The following FN1 variants were observed in gnomAD, a reference collection of about 807,000 sequenced individuals.
The protein encoded by FN1 is fibronectin.
A neutral mutation model predicts 297.3 loss-of-function variants in FN1; 106 were observed. That is an observed-to-expected ratio of 0.36 (90% CI 0.30 to 0.42). The LOEUF is 0.42. Ranked by LOEUF, FN1 falls within the 10% of genes least tolerant of loss-of-function variation. The probability of loss-of-function intolerance (pLI) is 1.00; values close to 1 mark genes in which losing one functional copy is unlikely to be tolerated. For missense variants in FN1, 2,690 were observed against 3,124.9 expected (o/e 0.86, Z 3.32); for synonymous variants, 1,149 against 1,152.6 (o/e 1.00, Z 0.06).
In FN1 at chr2:215,414,761, C is replaced by T. The variant is rs755678486; in HGVS notation, c.1941+76G>A. 5.0e-6 allele frequency: 8 copies of T among 1,595,428 alleles called. No individual in the cohort carries two copies. In the East Asian group the frequency reaches 1.8e-4, roughly 36 times the overall value. Reference sequence around the variant, plus strand: ...TTAATCAGAGTTGTTGGCTCAAAAGCTGGGAAAAAAAGAAACCATCAGAAT... The same window carrying T: ...TTAATCAGAGTTGTTGGCTCAAAAGTTGGGAAAAAAAGAAACCATCAGAAT... On this transcript the variant is annotated intron_variant, in intron 13 of 45. Coordinates refer to ENST00000354785, the MANE Select transcript of FN1 (RefSeq NM_212482.4).
rs1255858788 is a variant in FN1, at chr2:215,404,756, G to A, written c.2987-101C>T. On this transcript the variant is annotated intron_variant, in intron 19 of 45. Coordinates refer to ENST00000354785, the MANE Select transcript of FN1 (RefSeq NM_212482.4). ...GAATGTCTAAGTTTTCTCTCCTCAAGGTTGTAACTATGTGAAAGTCAAAAC... is the reference window on the plus strand; with the variant it reads ...GAATGTCTAAGTTTTCTCTCCTCAAAGTTGTAACTATGTGAAAGTCAAAAC... 3 of 1,127,820 alleles carry A rather than the reference G, an allele frequency of 2.7e-6. No individual in the cohort carries two copies. In the Admixed American group the frequency reaches 5.2e-5, roughly 20 times the overall value. The allele number at this position is 1,127,820 out of a possible 1,614,324, so 69.9% of individuals were successfully genotyped here.
At chr2:215,367,784 A>G in intron 42 of FN1, 79 bp downstream of exon 42, 1 of 1,422,622 alleles carries the variant, frequency 7.0e-7, no homozygotes, top group Middle Eastern at 1.8e-4. Context: ...TCTTCCAAAC[A>G]TGCTTCCTTG....
intron 6 of FN1, among the ~76,000 whole-genome samples, chr2:215,425,775 CCTCAAACTCCTGTCTCAAACTCCTG>C (rs2065226230): frequency 7.2e-6 from 1 of 139,236 alleles, no homozygotes; most frequent in African/African-American, 3.4e-5. Flanking sequence ...AAACTCCTGA[CCTCAAACTCCTGTCTCAAACTCCTG>C]ACCTCAGGGG....
In FN1 at chr2:215,399,416, A is replaced by G. The variant is rs995569515; in HGVS notation, c.3254-65T>C. 4.4e-5 allele frequency: 47 copies of G among 1,076,322 alleles called. No homozygotes were observed. In the South Asian group the frequency reaches 4.7e-4, roughly 11 times the overall value. The allele number at this position is 1,076,322 out of a possible 1,614,324, so 66.7% of individuals were successfully genotyped here. A position where few individuals can be genotyped will look rare whatever the true frequency, so the allele number is the denominator to read the frequency against. ...TCACAGATGATTGCATAGCATATAG[A>G]TAACAAGTATTTTTATGGAGAACCT... On this transcript the variant is annotated intron_variant, in intron 20 of 45. Transcript: ENST00000354785.
chr2:215,365,531 C>A lies in FN1; in HGVS notation c.7118G>T (p.Gly2373Val). 1 of 1,614,136 alleles carries A rather than the reference C, an allele frequency of 6.2e-7. No individual in the cohort carries two copies. The highest frequency in any genetic ancestry group is 8.5e-7 in the Non-Finnish European group (1 of 1,179,986). Residue 2373 changes from glycine to valine, a missense_variant, in exon 43 of 46, where the codon GGA becomes GTA. Gly to Val is a moderately radical substitution (Grantham distance 109). Around this residue, in one of 3 missense-constraint regions of FN1, gnomAD observed 1,743 missense variants for 1,945.2 expected, o/e 0.90. Coordinates refer to ENST00000354785, the MANE Select transcript of FN1 (RefSeq NM_212482.4). ...QMMSCTCLGN[G>V]KGEFKCDPHE... ...AGGGTCACACTTGAATTCTCCTTTTCCGTTCCCAAGACATGTGCAGCTCAT... is the reference window on the plus strand; with the variant it reads ...AGGGTCACACTTGAATTCTCCTTTTACGTTCCCAAGACATGTGCAGCTCAT...
intron 26 of FN1, among the ~76,000 whole-genome samples, chr2:215,390,598 T>C (rs891352313): frequency 6.6e-6 from 1 of 152,234 alleles, no homozygotes; most frequent in Non-Finnish European, 1.5e-5. Flanking sequence ...ATGATTAGCA[T>C]GTGACAGGTC....
At chr2:215,395,291 T>A (rs2060182559) in intron 23 of FN1, among the ~76,000 whole-genome samples, 1 of 152,010 alleles carries the variant, frequency 6.6e-6, no homozygotes, top group Non-Finnish European at 1.5e-5. Flanking sequence ...GAAAGAGTAT[T>A]GATTGGGAGG....
At chr2:215,368,562 A>G (rs2055155013) in intron 41 of FN1, among the ~76,000 whole-genome samples, 1 of 152,266 alleles carries the variant, frequency 6.6e-6, no homozygotes, top group Non-Finnish European at 1.5e-5. Context: ...TAAATAAAGA[A>G]TAATTATTAA....
In FN1 at chr2:215,381,067, AG is replaced by A. The variant is rs1461334956; in HGVS notation, c.5177del (p.Pro1726LeufsTer30). 1.2e-6 allele frequency: 2 copies of A among 1,614,074 alleles called. No individual in the cohort carries two copies. Among genetic ancestry groups the A allele is most frequent in the Non-Finnish European group, 1.7e-6 (2 of 1,179,998 alleles). On this transcript the variant is annotated frameshift_variant, in exon 33 of 46. Transcript: ENST00000354785. LOFTEE classifies it high-confidence loss of function. ...VQTAVTNIDR[P>X]KGLAFTDVDV... ...CCACATCAGTGAATGCCAGTCCTTTAGGGCGATCAATGTCTGTTAGGCAAAT... is the reference window on the plus strand; with the variant it reads ...CCACATCAGTGAATGCCAGTCCTTTAGGCGATCAATGTCTGTTAGGCAAAT...
chr2:215,365,666 T>C (rs368703987), intron 42 of FN1, 36 bp from the exon 43 acceptor site: 13 of 1,611,250 alleles, frequency 8.1e-6, no homozygotes, highest in Non-Finnish European at 1.0e-5. Context: ...CAAAAAGTTA[T>C]TTGTATATTC....
At chr2:215,430,523 T>A (rs544439678) in intron 5 of FN1, among the ~76,000 whole-genome samples, 192 bp downstream of exon 5, 22 of 152,344 alleles carry the variant, frequency 1.4e-4, no homozygotes, top group Admixed American at 1.4e-3. Context: ...CAAAGTGATA[T>A]GTTTTTCTAT....
chr2:215,405,891 G>T (rs2061713285), intron 19 of FN1, among the ~76,000 whole-genome samples: 1 of 152,134 alleles, frequency 6.6e-6, no homozygotes, highest in African/African-American at 2.4e-5. Flanking sequence ...ATTGTTAAAT[G>T]AATTCTACTC....
chr2:215,403,157 T>C (rs2061354419), intron 20 of FN1, among the ~76,000 whole-genome samples: 2 of 152,176 alleles, frequency 1.3e-5, no homozygotes, highest in South Asian at 2.1e-4. Flanking sequence ...TCTTAGACTA[T>C]CTTAGAACCG....
chr2:215,406,356 G>A lies in FN1; in HGVS notation c.2868C>T (p.Ile956=), dbSNP rs1019241619. The A allele has an allele frequency of 6.2e-7, 1 of 1,614,090 alleles. No individual in the cohort carries two copies. The highest frequency in any genetic ancestry group is 8.5e-7 in the Non-Finnish European group (1 of 1,180,058). ...LPGEHGQRLP[I]SRNTFAEVTG... ...TGACTTCTGCAAAGGTGTTCCTGCT[G>A]ATGGGCAGCCTCTGCCCGTGCTCGC... Residue 956 remains isoleucine (I), a synonymous_variant, in exon 19 of 46, where the codon ATC becomes ATT. Coordinates refer to ENST00000354785, the MANE Select transcript of FN1 (RefSeq NM_212482.4).
At chr2:215,409,343 T>C (rs1263084252) in intron 15 of FN1, among the ~76,000 whole-genome samples, 1 of 152,070 alleles carries the variant, frequency 6.6e-6, no homozygotes, top group Admixed American at 6.5e-5. Flanking sequence ...GCAGCTGGCA[T>C]CAGGGACCAG....
intron 18 of FN1, 112 bp from the exon 19 acceptor site, chr2:215,406,622 T>G: frequency 2.7e-6 from 3 of 1,130,242 alleles, no homozygotes; most frequent in Non-Finnish European, 3.9e-6. Context: ...TCGAGAGTTT[T>G]GCTAAGTTTT....
chr2:215,401,340 A>AG (rs2061142359), intron 20 of FN1, among the ~76,000 whole-genome samples: 1 of 151,970 alleles, frequency 6.6e-6, no homozygotes, highest in South Asian at 2.1e-4. Flanking sequence ...AGAAAGGGAA[A>AG]GGAAAGGAAA....
In FN1 at chr2:215,434,644, T is replaced by C. The variant is rs2067141179; in HGVS notation, c.277+52A>G. ...TACTTACTAATGCAAAGTTTAACAA[T>C]TACCACTTCATGTATTAAAAGATAC... On this transcript the variant is annotated intron_variant, in intron 2 of 45. Transcript: ENST00000354785. 5 of 1,606,378 alleles carry C rather than the reference T, an allele frequency of 3.1e-6. No individual in the cohort carries two copies. The South Asian group carries it at 5.5e-5, about 18-fold the overall frequency.
chr2:215,397,969 T>C, intron 21 of FN1, 121 bp from the exon 22 acceptor site: 1 of 875,878 alleles, frequency 1.1e-6, no homozygotes, highest in South Asian at 1.4e-5. Context: ...CAGTGTACTT[T>C]TATTGGGAAA....
Sources: allele counts gnomAD v4.1 joint callset (sites outside exome capture counted in the v4.1 genomes callset), GRCh38; gene constraint gnomAD v4.1.1; regional missense constraint gnomAD v4.1.1; transcripts MANE v1.5; gene names NCBI Gene and HGNC (gene_info 2026-07-23, HGNC 2026-07-21).